Variants in SDCCAG8 observed in about 807,000 individuals in gnomAD.
SDCCAG8 encodes the protein serologically defined colon cancer antigen 8.
A neutral mutation model predicts 101.8 loss-of-function variants in SDCCAG8; 74 were observed. The ratio of observed to expected loss-of-function variants is 0.73; its 90% confidence interval spans 0.60 to 0.88. The LOEUF is 0.88. Among genes scored for constraint, SDCCAG8 ranks in the 40% least tolerant of loss-of-function variants. The probability of loss-of-function intolerance (pLI) is 0.00; values close to 1 mark genes in which losing one functional copy is unlikely to be tolerated. For missense variants in SDCCAG8, 787 were observed against 822.6 expected (o/e 0.96, Z 0.53); for synonymous variants, 281 against 292.9 (o/e 0.96, Z 0.41).
intron 12 of SDCCAG8, among the ~76,000 whole-genome samples, chr1:243,363,473 G>A (rs919644683): frequency 4.6e-5 from 7 of 152,082 alleles, no homozygotes; most frequent in African/African-American, 7.2e-5. Flanking sequence ...AACCCGTGTT[G>A]GGAAACTCCC....
At chr1:243,285,718 T>C (rs1420696773) in intron 4 of SDCCAG8, among the ~76,000 whole-genome samples, 1 of 152,220 alleles carries the variant, frequency 6.6e-6, no homozygotes, top group East Asian at 1.9e-4. Context: ...TTAATTGTTA[T>C]TGATTTGTAA....
intron 16 of SDCCAG8, among the ~76,000 whole-genome samples, chr1:243,442,694 A>G (rs868419526): frequency 2.0e-5 from 3 of 152,310 alleles, no homozygotes; most frequent in Non-Finnish European, 2.9e-5. Flanking sequence ...AAACCAAATG[A>G]CAGCCTCACA....
chr1:243,377,412 A>G (rs1314647392), intron 12 of SDCCAG8, among the ~76,000 whole-genome samples: 1 of 152,028 alleles, frequency 6.6e-6, no homozygotes, highest in Non-Finnish European at 1.5e-5. Flanking sequence ...TTTTAAAGAA[A>G]TAAGTCAGTT....
chr1:243,314,675 A>G (rs539419626), intron 8 of SDCCAG8, among the ~76,000 whole-genome samples: 1 of 152,000 alleles, frequency 6.6e-6, no homozygotes, highest in South Asian at 2.1e-4. Context: ...CCTGTTGTGG[A>G]TCTGTCTGTT....
intron 16 of SDCCAG8, among the ~76,000 whole-genome samples, chr1:243,480,620 GTGGTA>G (rs1558527785): frequency 2.9e-5 from 3 of 104,190 alleles, no homozygotes; most frequent in Admixed American, 9.6e-5. Flanking sequence ...GGATGGATGG[GTGGTA>G]TGGATGGATG....
intron 16 of SDCCAG8, among the ~76,000 whole-genome samples, chr1:243,461,165 G>A (rs1659032840): frequency 6.6e-6 from 1 of 152,164 alleles, no homozygotes; most frequent in Admixed American, 6.5e-5. Flanking sequence ...GCTGTAGGCA[G>A]TATAGCAGAA....
intron 6 of SDCCAG8, among the ~76,000 whole-genome samples, chr1:243,298,705 T>G (rs1437382614): frequency 6.6e-6 from 1 of 152,202 alleles, no homozygotes; most frequent in Non-Finnish European, 1.5e-5. Flanking sequence ...TCCTATGTGT[T>G]TATACATCCA....
intron 12 of SDCCAG8, among the ~76,000 whole-genome samples, chr1:243,349,583 TAAC>T (rs1165120351): frequency 1.3e-5 from 2 of 152,200 alleles, no homozygotes; most frequent in Non-Finnish European, 2.9e-5. Context: ...TCTTAAATAA[TAAC>T]AATGGTTTTA....
chr1:243,353,149 G>A (rs1429178345), intron 12 of SDCCAG8, among the ~76,000 whole-genome samples: 1 of 152,000 alleles, frequency 6.6e-6, no homozygotes, highest in East Asian at 1.9e-4. Flanking sequence ...AATGCAAAAG[G>A]CATGGGAATT....
chr1:243,347,570 T>C (rs1007236485), intron 12 of SDCCAG8, among the ~76,000 whole-genome samples: 2 of 152,262 alleles, frequency 1.3e-5, no homozygotes, highest in Non-Finnish European at 2.9e-5. Flanking sequence ...ATAAAATGCC[T>C]CATTGTCATT....
In SDCCAG8 at chr1:243,416,125, A is replaced by C. The variant is rs1397981336; in HGVS notation, c.1744+296A>C. 6.6e-6 allele frequency among the ~76,000 whole-genome samples: 1 copy of C among 152,220 alleles called. No individual in the cohort carries two copies. Among genetic ancestry groups the C allele is most frequent in the African/African-American group, 2.4e-5 (1 of 41,464 alleles). On this transcript the variant is annotated intron_variant, in intron 14 of 17. Transcript: ENST00000366541. This position sits in a 1 kb window ranked among gnomAD's most constrained non-coding sequence, Gnocchi z 4.3. ...AAGCTGAGAGAGACCACAACAAAGT[A>C]GAAAAACAAAGGGCTTGTTTTTGGC...
chr1:243,394,775 C>T (rs1430900666), intron 13 of SDCCAG8, among the ~76,000 whole-genome samples: 2 of 151,990 alleles, frequency 1.3e-5, no homozygotes, highest in South Asian at 2.1e-4. Context: ...TTCGCCTTCA[C>T]CTAGCAGCGC....
intron 1 of SDCCAG8, among the ~76,000 whole-genome samples, chr1:243,266,116 G>A (rs981112305): frequency 1.3e-5 from 2 of 152,120 alleles, no homozygotes; most frequent in Non-Finnish European, 2.9e-5. Flanking sequence ...TGGATACAAT[G>A]TGGAATAATT....
intron 17 of SDCCAG8, among the ~76,000 whole-genome samples, chr1:243,494,421 G>A (rs566372171): frequency 2.0e-5 from 3 of 152,136 alleles, no homozygotes; most frequent in Non-Finnish European, 4.4e-5. Flanking sequence ...CAGCTAAAAT[G>A]TCATTAACTC....
chr1:243,271,104 T>TGTA (rs1558212558), intron 3 of SDCCAG8, 41 bp downstream of exon 3: 1 of 1,366,512 alleles, frequency 7.3e-7, no homozygotes, highest in Non-Finnish European at 1.0e-6. Context: ...CATTCCTGTG[T>TGTA]TTTACTGTAT....
chr1:243,498,007 G>A (rs1238639774), intron 17 of SDCCAG8, among the ~76,000 whole-genome samples: 1 of 152,084 alleles, frequency 6.6e-6, no homozygotes, highest in Non-Finnish European at 1.5e-5. Flanking sequence ...TTATCTGTTG[G>A]GATTTATGCT....
At chr1:243,303,182 G>A (rs1205649710) in intron 6 of SDCCAG8, among the ~76,000 whole-genome samples, 1 of 152,186 alleles carries the variant, frequency 6.6e-6, no homozygotes, top group Non-Finnish European at 1.5e-5. Context: ...GCCAGAAAAT[G>A]AGGAAGAAGA....
chr1:243,351,429 A>G (rs2076076571), intron 12 of SDCCAG8, among the ~76,000 whole-genome samples: 1 of 152,250 alleles, frequency 6.6e-6, no homozygotes, highest in South Asian at 2.1e-4. Flanking sequence ...ACATTAGAAC[A>G]TGCCTTAAGA....
intron 4 of SDCCAG8, among the ~76,000 whole-genome samples, chr1:243,279,529 T>C (rs1453331229): frequency 6.6e-6 from 1 of 152,242 alleles, no homozygotes; most frequent in Admixed American, 6.5e-5. Context: ...TTCTACTGAA[T>C]GCATATTGCT....
Sources: gnomAD v4.1 joint callset for allele counts (sites outside exome capture counted in the v4.1 genomes callset) on GRCh38, gnomAD v4.1.1 for gene constraint, Gnocchi (gnomAD v3.1) non-coding constraint, MANE v1.5 for transcripts, NCBI Gene and HGNC (gene_info 2026-07-23, HGNC 2026-07-21) for gene names.